The following ZNF71 variants were observed in gnomAD, a reference collection of about 807,000 sequenced individuals.
ZNF71 encodes the protein endothelial zinc finger protein induced by tumor necrosis factor alpha.
ZNF71 carries 3 observed loss-of-function variants against 6.7 expected under a neutral mutation model. That is an observed-to-expected ratio of 0.45 (90% confidence interval 0.20 to 1.16). The LOEUF is 1.16. ZNF71 is among the 50% of genes most tolerant of loss of function. The probability of loss-of-function intolerance (pLI) is 0.25; values close to 1 mark genes in which losing one functional copy is unlikely to be tolerated. For synonymous variants in ZNF71, 343 were observed against 311.1 expected (o/e 1.10, Z -1.08); for missense variants, 688 against 728.6 (o/e 0.94, Z 0.64).
intron 1 of ZNF71, among the ~76,000 whole-genome samples, chr19:56,596,142 A>T (rs1356029994): frequency 3.3e-5 from 5 of 151,266 alleles, no homozygotes; most frequent in Admixed American, 1.3e-4. Flanking sequence ...ATCTCTGTCC[A>T]TGAGTGTCTC....
At position 56,622,861 on chromosome 19, in the gene ZNF71, TC is replaced by T. The variant is rs2044875840; in HGVS notation, c.*105del. 2.1e-6 allele frequency: 3 copies of T among 1,443,390 alleles called. No individual in the cohort carries two copies. The African/African-American group carries it at 4.3e-5, about 21-fold the overall frequency. 89.4% of individuals were successfully genotyped at this position (1,443,390 alleles called of 1,614,324 possible). A position where few individuals can be genotyped will look rare whatever the true frequency, so the allele number is the denominator to read the frequency against. Reference sequence around the variant, plus strand: ...AGAAGTTCTCCCCTGGGGTGGGGACTCGGGGTCAGGGGAGCTCAGGAATGTG... The same window carrying T: ...AGAAGTTCTCCCCTGGGGTGGGGACTGGGGTCAGGGGAGCTCAGGAATGTG... On this transcript the variant is annotated 3_prime_UTR_variant, in exon 4 of 4. Transcript: ENST00000599599.
chr19:56,616,528 C>A (rs2044792567), intron 3 of ZNF71, among the ~76,000 whole-genome samples: 1 of 152,230 alleles, frequency 6.6e-6, no homozygotes, highest in African/African-American at 2.4e-5. Flanking sequence ...GTTTTACAGT[C>A]TGATTGGTAG....
chr19:56,617,234 C>G (rs1466096360), intron 3 of ZNF71, among the ~76,000 whole-genome samples: 2 of 151,962 alleles, frequency 1.3e-5, no homozygotes, highest in East Asian at 3.9e-4. Context: ...CCTCAGCCTC[C>G]TAAGTAGCTA....
chr19:56,621,646 C>G lies in ZNF71; in HGVS notation c.539C>G (p.Pro180Arg), dbSNP rs1053730850. Residue 180 changes from proline (P) to arginine (R), a missense_variant, in exon 4 of 4, where the codon CCC becomes CGC. Physicochemically the swap from Pro to Arg is moderately radical, Grantham distance 103 (BLOSUM62 -2). Coordinates refer to ENST00000599599, the MANE Select transcript of ZNF71 (RefSeq NM_001370215.1). ...TCCAGCACTTCAGACCTCAGTAAGC[C>G]CCCCATGCCCTGCGAGGAGAAGAAA... Reference protein sequence around the residue: ...NFSSTSDLSKPPMPCEEKKTY... With the variant: ...NFSSTSDLSKRPMPCEEKKTY... The G allele has an allele frequency of 6.2e-7, 1 of 1,614,086 alleles. No homozygotes were observed. Among genetic ancestry groups the G allele is most frequent in the Non-Finnish European group, 8.5e-7 (1 of 1,180,046 alleles).
At chr19:56,617,048 C>G (rs963442832) in intron 3 of ZNF71, among the ~76,000 whole-genome samples, 3 of 151,638 alleles carry the variant, frequency 2.0e-5, no homozygotes, top group African/African-American at 2.4e-5. Context: ...GGAGGGGAGT[C>G]TAAAATATAA....
Position 56,597,725 on chromosome 19 carries a change from T to A in ZNF71, c.-53+2297T>A, listed in dbSNP as rs202158922. 2.2e-4 allele frequency among the ~76,000 whole-genome samples: 18 copies of A among 81,328 alleles called. No individual in the cohort carries two copies. In the Admixed American group the frequency reaches 2.7e-3, roughly 12 times the overall value. 53.4% of individuals were successfully genotyped at this position (81,328 alleles called of 152,430 possible). A position where few individuals can be genotyped will look rare whatever the true frequency, so the allele number is the denominator to read the frequency against. On this transcript the variant is annotated intron_variant, in intron 1 of 3. Coordinates refer to ENST00000599599, the MANE Select transcript of ZNF71 (RefSeq NM_001370215.1). ...ATGTTTATTAATTTTGTTTTCAGGG[T>A]TTTTTTTTGCCTCTAGAAACAATGC...
chr19:56,599,102 G>A (rs1568502903), intron 1 of ZNF71, among the ~76,000 whole-genome samples: 1 of 152,132 alleles, frequency 6.6e-6, no homozygotes. Flanking sequence ...AGAGGATTGA[G>A]GCTTTTCTGG....
Position 56,621,889 on chromosome 19 carries a change from T to G in ZNF71, c.782T>G (p.Leu261Arg). 6.2e-7 allele frequency: 1 copy of G among 1,611,868 alleles called. No homozygotes were observed. Reference sequence around the variant, plus strand: ...AAGGCCTTCAGCCAGCGCATGAACCTCACTGTGCACCAGCGCACGCACACG... The same window carrying G: ...AAGGCCTTCAGCCAGCGCATGAACCGCACTGTGCACCAGCGCACGCACACG... ...CGKAFSQRMN[L>R]TVHQRTHTGE... is the part of the protein sequence containing the mutation. Residue 261 changes from leucine to arginine, a missense_variant, in exon 4 of 4, where the codon CTC (leucine) becomes CGC (arginine). Transcript: ENST00000599599.
At position 56,622,567 on chromosome 19, in the gene ZNF71, A is replaced by G; in HGVS notation, c.1460A>G (p.Glu487Gly). Residue 487 changes from glutamate (E) to glycine (G), a missense_variant, in exon 4 of 4, where the codon GAG becomes GGG. By Grantham distance (98) the Glu-to-Gly change is moderately conservative. Coordinates refer to ENST00000599599, the MANE Select transcript of ZNF71 (RefSeq NM_001370215.1). ...TTCAGCCAGAGCGCCTACCTCATCG[A>G]GCACCAGCGGATCCACACCGGCGAG... The part of the protein sequence containing the change: ...KAFSQSAYLI[E>G]HQRIHTGEKP... 1 of 1,611,188 alleles carries G rather than the reference A, an allele frequency of 6.2e-7. No homozygotes were observed. The highest frequency in any genetic ancestry group is 8.5e-7 in the Non-Finnish European group (1 of 1,179,020).
chr19:56,624,255 T>A lies in ZNF71; in HGVS notation c.*1498T>A, dbSNP rs1213613751. 6.4e-6 allele frequency: 1 copy of A among 155,488 alleles called. No individual in the cohort carries two copies. Among genetic ancestry groups the A allele is most frequent in the African/African-American group, 2.4e-5 (1 of 41,450 alleles). The allele number at this position is 155,488 out of a possible 1,614,324, so 9.6% of individuals were successfully genotyped here. On this transcript the variant is annotated 3_prime_UTR_variant, in exon 4 of 4. Transcript: ENST00000599599. ...CACGTATAAACAAGGTGGACCGTTTTTCAAATTCTGGCAGTCAAGTGGGCC... is the reference window on the plus strand; with the variant it reads ...CACGTATAAACAAGGTGGACCGTTTATCAAATTCTGGCAGTCAAGTGGGCC...
intron 1 of ZNF71, among the ~76,000 whole-genome samples, chr19:56,601,141 CA>C (rs2044667840): frequency 6.6e-6 from 1 of 151,768 alleles, no homozygotes; most frequent in Non-Finnish European, 1.5e-5. Context: ...CATGGGAGTG[CA>C]TCTGTGAGGC....
chr19:56,596,791 C>T (rs1206631774), intron 1 of ZNF71, among the ~76,000 whole-genome samples: 1 of 152,184 alleles, frequency 6.6e-6, no homozygotes, highest in African/African-American at 2.4e-5. Flanking sequence ...CCACAATTAA[C>T]CACCAGACAA....
rs1284204444 is a variant in ZNF71 at position 56,622,774 on chromosome 19, C to G, written c.*17C>G. On this transcript the variant is annotated 3_prime_UTR_variant, in exon 4 of 4. Coordinates refer to ENST00000599599, the MANE Select transcript of ZNF71 (RefSeq NM_001370215.1). ...CACACCTGAGCGCCTCTGTGCAGGG[C>G]TCTCACTGGCGGTGCCCAGGACGGA... 6.4e-7 allele frequency: 1 copy of G among 1,574,368 alleles called. No individual in the cohort carries two copies. The highest frequency in any genetic ancestry group is 1.3e-5 in the African/African-American group (1 of 74,230).
rs953200906 is a variant in ZNF71, at chr19:56,603,536, T to A, written c.33+1945T>A. 1.3e-5 allele frequency among the ~76,000 whole-genome samples: 2 copies of A among 152,230 alleles called. No individual in the cohort carries two copies. The highest frequency in any genetic ancestry group is 1.3e-4 in the Admixed American group (2 of 15,290). On this transcript the variant is annotated intron_variant, in intron 2 of 3. Coordinates refer to ENST00000599599, the MANE Select transcript of ZNF71 (RefSeq NM_001370215.1). The surrounding 1 kb of genome is among the most constrained non-coding windows in gnomAD (Gnocchi z 4.6). ...AATAATGCTGCTATGAATATTCATG[T>A]ATAAGTCTTTGAACATATGTTCTCA...
intron 2 of ZNF71, among the ~76,000 whole-genome samples, chr19:56,609,262 T>C (rs141323661): frequency 8.0e-4 from 122 of 152,324 alleles, no homozygotes; most frequent in African/African-American, 2.7e-3. Flanking sequence ...TACCAGATTC[T>C]ATTTTGGTTA....
At chr19:56,614,016 A>G in intron 3 of ZNF71, 78 bp downstream of exon 3, 3 of 997,542 alleles carry the variant, frequency 3.0e-6, no homozygotes, top group Non-Finnish European at 3.7e-6. Flanking sequence ...AAAAAAAAAG[A>G]TCAACAGATC....
rs1304812878 is a variant in ZNF71 at position 56,624,454 on chromosome 19, T to G, written c.*1697T>G. 1 of 152,206 alleles carries G rather than the reference T, an allele frequency of 6.6e-6. No homozygotes were observed. The highest frequency in any genetic ancestry group is 1.5e-5 in the Non-Finnish European group (1 of 68,044). 9.4% of individuals were successfully genotyped at this position (152,206 alleles called of 1,614,324 possible). The stretch of plus-strand genomic sequence containing the variant: ...CAGACATTGCTTTAGTTGCATCTGT[T>G]GTGGGAATAAATGAGAATATGTATG... On this transcript the variant is annotated 3_prime_UTR_variant, in exon 4 of 4. Coordinates refer to ENST00000599599, the MANE Select transcript of ZNF71 (RefSeq NM_001370215.1).
chr19:56,620,627 G>A (rs2044836514), intron 3 of ZNF71, among the ~76,000 whole-genome samples: 3 of 151,894 alleles, frequency 2.0e-5, no homozygotes, highest in South Asian at 4.2e-4. Context: ...GAATTCCTGG[G>A]CTCAAGTGAT....
intron 3 of ZNF71, among the ~76,000 whole-genome samples, chr19:56,616,253 CA>C (rs1057353063): frequency 1.3e-5 from 2 of 152,128 alleles, no homozygotes; most frequent in African/African-American, 4.8e-5. Flanking sequence ...GTTGGGGGGA[CA>C]AATGTATGTC....
Sources: allele counts gnomAD v4.1 joint callset (sites outside exome capture counted in the v4.1 genomes callset), GRCh38; gene constraint gnomAD v4.1.1; non-coding constraint Gnocchi (gnomAD v3.1); transcripts MANE v1.5; gene names NCBI Gene and HGNC (gene_info 2026-07-23, HGNC 2026-07-21).